Variants in DCLK1 observed in about 807,000 individuals in gnomAD.
DCLK1 encodes doublecortin like kinase 1.
Under a neutral mutation model 86.2 loss-of-function variants are expected in DCLK1, and 16 were observed. The ratio of observed to expected loss-of-function variants is 0.19; its 90% CI spans 0.13 to 0.28. The LOEUF (loss-of-function observed/expected upper bound fraction) is 0.28. Among genes scored for constraint, DCLK1 ranks in the 10% least tolerant of loss-of-function variants. The pLI is 1.00. For missense variants in DCLK1, 590 were observed against 940.2 expected (o/e 0.63, Z 4.87); for synonymous variants, 369 against 370.5 (o/e 1.00, Z 0.05).
chr13:36,015,895 A>G (rs1325550814), intron 3 of DCLK1, among the ~76,000 whole-genome samples: 2 of 152,220 alleles, frequency 1.3e-5, no homozygotes, highest in Admixed American at 6.5e-5. Context: ...CCTCATGACC[A>G]TATTTATTCT....
intron 16 of DCLK1, among the ~76,000 whole-genome samples, chr13:35,784,683 A>G (rs554018974): frequency 6.6e-6 from 1 of 152,274 alleles, no homozygotes; most frequent in East Asian, 1.9e-4. Context: ...TGTGTTACAG[A>G]GGGAGCCTCT....
intron 1 of DCLK1, among the ~76,000 whole-genome samples, chr13:36,129,411 C>T (rs777774621): frequency 6.6e-6 from 1 of 152,228 alleles, no homozygotes; most frequent in African/African-American, 2.4e-5. Flanking sequence ...ACACCTTTTA[C>T]TTCCCTTCCC....
chr13:36,129,193 G>C (rs916303700), intron 1 of DCLK1, among the ~76,000 whole-genome samples: 2 of 152,142 alleles, frequency 1.3e-5, no homozygotes, highest in Non-Finnish European at 2.9e-5. Flanking sequence ...AGTGCACATC[G>C]AATTCTCAGT....
chr13:35,920,871 C>T (rs1449492013), intron 4 of DCLK1, among the ~76,000 whole-genome samples: 3 of 152,050 alleles, frequency 2.0e-5, no homozygotes, highest in Non-Finnish European at 2.9e-5. Flanking sequence ...GGAAATTGCC[C>T]GTGGTCCCTC....
chr13:35,840,557 GTA>G (rs1385382605), intron 6 of DCLK1, among the ~76,000 whole-genome samples: 3 of 152,158 alleles, frequency 2.0e-5, no homozygotes, highest in Non-Finnish European at 4.4e-5. Flanking sequence ...GATGACCCTT[GTA>G]TACCCCTGAA....
At chr13:36,006,780 G>A (rs188593481) in intron 3 of DCLK1, among the ~76,000 whole-genome samples, 13 of 152,318 alleles carry the variant, frequency 8.5e-5, no homozygotes, top group African/African-American at 3.1e-4. Context: ...CTCAGGTTTA[G>A]GGCAAAAGCT....
intron 3 of DCLK1, among the ~76,000 whole-genome samples, chr13:36,045,597 A>T (rs1414717069): frequency 6.6e-6 from 1 of 151,910 alleles, no homozygotes; most frequent in Non-Finnish European, 1.5e-5. Context: ...CACGCCTATA[A>T]TCCCAGCACT....
chr13:35,867,908 A>AGAGAGGGAG (rs1491556157), intron 5 of DCLK1, among the ~76,000 whole-genome samples: 1 of 94,480 alleles, frequency 1.1e-5, no homozygotes, highest in Non-Finnish European at 2.1e-5. Context: ...AGAAAGAAAG[A>AGAGAGGGAG]AAAAGAAAGA....
At chr13:35,881,185 T>G (rs1872877348) in intron 4 of DCLK1, among the ~76,000 whole-genome samples, 1 of 152,150 alleles carries the variant, frequency 6.6e-6, no homozygotes, top group South Asian at 2.1e-4. Flanking sequence ...CAAATTACAA[T>G]GGTCTAGCTC....
chr13:36,039,156 G>T (rs1341027192), intron 3 of DCLK1, among the ~76,000 whole-genome samples: 1 of 152,166 alleles, frequency 6.6e-6, no homozygotes, highest in Non-Finnish European at 1.5e-5. Context: ...TCTCATTTCA[G>T]GTAAGGAATG....
intron 4 of DCLK1, among the ~76,000 whole-genome samples, chr13:35,912,145 C>G (rs1458629991): frequency 1.3e-5 from 2 of 152,174 alleles, no homozygotes; most frequent in Admixed American, 6.5e-5. Context: ...TTTGCATCCT[C>G]CTCATGGTCC....
At chr13:35,860,576 G>C (rs1464073145) in intron 5 of DCLK1, among the ~76,000 whole-genome samples, 1 of 152,152 alleles carries the variant, frequency 6.6e-6, no homozygotes, top group Non-Finnish European at 1.5e-5. Context: ...ACACAGCTCT[G>C]TGAATTAATT....
intron 3 of DCLK1, among the ~76,000 whole-genome samples, chr13:36,019,031 A>T (rs1539538): frequency 0.86 from 131,602 of 152,164 alleles, 57,698 homozygotes; most frequent in Non-Finnish European, 0.95. Flanking sequence ...ATGTGTGGTA[A>T]CTTTGCATCT....
intron 3 of DCLK1, among the ~76,000 whole-genome samples, chr13:36,066,500 C>T (rs1484204220): frequency 6.6e-6 from 1 of 152,122 alleles, no homozygotes; most frequent in Non-Finnish European, 1.5e-5. Context: ...CTTAGAGGTG[C>T]TGTAATGAAC....
intron 6 of DCLK1, among the ~76,000 whole-genome samples, chr13:35,842,816 C>T (rs1869900405): frequency 6.6e-6 from 1 of 152,110 alleles, no homozygotes; most frequent in Non-Finnish European, 1.5e-5. Flanking sequence ...CTTTTAGATT[C>T]TGATCTGGTC....
intron 4 of DCLK1, among the ~76,000 whole-genome samples, chr13:35,876,978 C>T (rs1015321844): frequency 3.9e-5 from 6 of 152,152 alleles, no homozygotes; most frequent in African/African-American, 1.2e-4. Flanking sequence ...ACCCAAAGGA[C>T]AGGAAATCAG....
At chr13:35,993,627 T>C (rs1179492527) in intron 3 of DCLK1, among the ~76,000 whole-genome samples, 1 of 152,160 alleles carries the variant, frequency 6.6e-6, no homozygotes, top group East Asian at 1.9e-4. Flanking sequence ...AACCAGTACC[T>C]GCCGTGCCTT....
intron 4 of DCLK1, among the ~76,000 whole-genome samples, chr13:35,905,610 T>A (rs1050846905): frequency 3.9e-5 from 6 of 152,190 alleles, no homozygotes; most frequent in African/African-American, 1.4e-4. Context: ...CACCTCTGAA[T>A]TTTCCACTTA....
intron 3 of DCLK1, among the ~76,000 whole-genome samples, chr13:36,073,702 C>CT (rs1884062059): frequency 6.6e-6 from 1 of 152,144 alleles, no homozygotes; most frequent in South Asian, 2.1e-4. Context: ...GTCTGGCTCA[C>CT]ACCTGAACTA....
Sources: gnomAD v4.1 joint callset for allele counts (sites outside exome capture counted in the v4.1 genomes callset) on GRCh38, gnomAD v4.1.1 for gene constraint, MANE v1.5 for transcripts, NCBI Gene and HGNC (gene_info 2026-07-23, HGNC 2026-07-21) for gene names.